The following SPATA13 variants were observed in gnomAD, a reference collection of about 807,000 sequenced individuals.
SPATA13 encodes the protein spermatogenesis associated 13, also known as spermatogenesis-associated protein 13.
In SPATA13, 50 loss-of-function variants were observed where a neutral mutation model predicts 104.0. That is an observed-to-expected ratio of 0.48 (90% CI 0.38 to 0.61). The LOEUF is 0.61. SPATA13 is among the 20% of genes least tolerant of loss of function. The probability of loss-of-function intolerance (pLI) is 0.00; values close to 1 mark genes in which losing one functional copy is unlikely to be tolerated. For synonymous variants in SPATA13, 606 were observed against 667.5 expected (o/e 0.91, Z 1.42); for missense variants, 1,524 against 1,690.6 (o/e 0.90, Z 1.73).
At position 24,223,425 on chromosome 13, in the gene SPATA13, C is replaced by A. The variant is rs1298609255; in HGVS notation, c.496C>A (p.Pro166Thr). 1 of 1,551,098 alleles carries A rather than the reference C, an allele frequency of 6.4e-7. No individual in the cohort carries two copies. The highest frequency in any genetic ancestry group is 8.7e-7 in the Non-Finnish European group (1 of 1,147,002). ...AQASRGSPLA[P>T]GPACGALRPA... ...GGCAAGCAGGGGCTCCCCCTTAGCA[C>A]CGGGACCAGCATGTGGTGCCCTCAG... Residue 166 changes from proline (P) to threonine (T), a missense_variant, in exon 2 of 13, where the codon CCG becomes ACG. Transcript: ENST00000382108.
At chr13:23,991,468 T>G (rs573923451) in intron 2 of SPATA13, among the ~76,000 whole-genome samples, 10 of 152,244 alleles carry the variant, frequency 6.6e-5, no homozygotes, top group Non-Finnish European at 1.5e-4. Flanking sequence ...CTTTTCTTGC[T>G]CCTCTTTTCT....
At chr13:24,125,118 C>A (rs1370105780) in intron 3 of SPATA13, among the ~76,000 whole-genome samples, 2 of 152,216 alleles carry the variant, frequency 1.3e-5, no homozygotes, top group Non-Finnish European at 2.9e-5. Flanking sequence ...ACCCCTGGAC[C>A]CATACCCTCT....
chr13:24,129,904 C>T (rs573057170), intron 3 of SPATA13, among the ~76,000 whole-genome samples: 8 of 152,298 alleles, frequency 5.3e-5, no homozygotes, highest in South Asian at 4.2e-4. Context: ...CTTAGGACCT[C>T]GCAGGACCCT....
At chr13:24,188,510 ACT>A (rs925215311) in intron 1 of SPATA13, among the ~76,000 whole-genome samples, 2 of 152,098 alleles carry the variant, frequency 1.3e-5, no homozygotes, top group African/African-American at 4.8e-5. Context: ...CAAGTCTCTA[ACT>A]CTCTTTAATT....
At chr13:24,226,392 T>G (rs933450553) in intron 2 of SPATA13, among the ~76,000 whole-genome samples, 2 of 152,226 alleles carry the variant, frequency 1.3e-5, no homozygotes, top group African/African-American at 4.8e-5. Flanking sequence ...TTAAAGAGAT[T>G]TTTATGATGG....
intron 2 of SPATA13, among the ~76,000 whole-genome samples, chr13:24,239,922 A>C (rs1026289361): frequency 6.6e-6 from 1 of 151,888 alleles, no homozygotes; most frequent in African/African-American, 2.4e-5. Flanking sequence ...GAGATGAAAC[A>C]TGTTTTAAGA....
At chr13:24,041,651 A>G (rs1877934365) in intron 3 of SPATA13, among the ~76,000 whole-genome samples, 1 of 152,152 alleles carries the variant, frequency 6.6e-6, no homozygotes, top group Non-Finnish European at 1.5e-5. Context: ...GTGGGAAAAT[A>G]TCTATCAGAA....
At chr13:24,081,708 A>G (rs953375084) in intron 3 of SPATA13, among the ~76,000 whole-genome samples, 1 of 110,058 alleles carries the variant, frequency 9.1e-6, no homozygotes, top group Non-Finnish European at 2.3e-5. Flanking sequence ...GTAAGCATAA[A>G]TTTAAAAAAA....
chr13:24,265,843 A>G (rs1874274444), intron 4 of SPATA13, among the ~76,000 whole-genome samples: 1 of 152,122 alleles, frequency 6.6e-6, no homozygotes, highest in African/African-American at 2.4e-5. Flanking sequence ...GGTTCTGGAT[A>G]TGTCTGTACC....
At chr13:24,030,061 C>G (rs567995183) in intron 3 of SPATA13, among the ~76,000 whole-genome samples, 1 of 137,944 alleles carries the variant, frequency 7.2e-6, no homozygotes, top group African/African-American at 2.8e-5. Context: ...CACACACACA[C>G]ACACGCACAC....
intron 2 of SPATA13, among the ~76,000 whole-genome samples, chr13:24,001,746 C>G (rs1022134999): frequency 6.6e-6 from 1 of 151,806 alleles, no homozygotes; most frequent in African/African-American, 2.4e-5. Context: ...GAAAGAGAAC[C>G]TGATGGGTTG....
chr13:24,129,893 C>T (rs184403288), intron 3 of SPATA13, among the ~76,000 whole-genome samples: 22 of 152,266 alleles, frequency 1.4e-4, no homozygotes, highest in Non-Finnish European at 1.5e-5. Context: ...GGATTAATAA[C>T]CTTAGGACCT....
chr13:24,086,557 C>T (rs912138), intron 3 of SPATA13, among the ~76,000 whole-genome samples: 2 of 152,164 alleles, frequency 1.3e-5, no homozygotes, highest in South Asian at 2.1e-4. Context: ...GGGTCTGTAG[C>T]CTTGGGGACT....
chr13:24,127,425 G>C (rs1477809936), intron 3 of SPATA13, among the ~76,000 whole-genome samples: 1 of 152,200 alleles, frequency 6.6e-6, no homozygotes, highest in Non-Finnish European at 1.5e-5. Flanking sequence ...CCTCCCCATT[G>C]CTGAAATCCA....
At chr13:24,171,461 C>G (rs1361702964) in intron 1 of SPATA13, among the ~76,000 whole-genome samples, 1 of 152,190 alleles carries the variant, frequency 6.6e-6, no homozygotes, top group African/African-American at 2.4e-5. Flanking sequence ...GTAGCCATGT[C>G]CTACTTCTCT....
At chr13:23,998,673 CTA>C (rs756049947) in intron 2 of SPATA13, among the ~76,000 whole-genome samples, 2 of 152,034 alleles carry the variant, frequency 1.3e-5, no homozygotes, top group Non-Finnish European at 2.9e-5. Context: ...TGTTTTTCTT[CTA>C]TGTGTTCTTA....
chr13:24,199,575 G>C (rs1430540578), intron 1 of SPATA13, among the ~76,000 whole-genome samples: 1 of 152,164 alleles, frequency 6.6e-6, no homozygotes, highest in Non-Finnish European at 1.5e-5. Flanking sequence ...TGGTTTGTCT[G>C]TGTTTCTTTT....
At chr13:24,219,003 CA>C (rs35494448) in intron 1 of SPATA13, among the ~76,000 whole-genome samples, 2,537 of 110,498 alleles carry the variant, frequency 0.023, 103 homozygotes, top group East Asian at 0.21. Context: ...TCATTATCAC[CA>C]AAAAAAAAAA....
intron 1 of SPATA13, among the ~76,000 whole-genome samples, chr13:24,163,088 C>A (rs1421619050): frequency 6.6e-6 from 1 of 152,146 alleles, no homozygotes; most frequent in Non-Finnish European, 1.5e-5. Context: ...ACAGGAAGCC[C>A]TGAAGAAAGT....
Sources: allele counts gnomAD v4.1 joint callset (sites outside exome capture counted in the v4.1 genomes callset), GRCh38; gene constraint gnomAD v4.1.1; transcripts MANE v1.5; gene names NCBI Gene and HGNC (gene_info 2026-07-23, HGNC 2026-07-21).